The following WDR27 variants were observed in gnomAD, a reference collection of about 807,000 sequenced individuals.
WDR27 encodes WD repeat domain 27, also known as WD repeat-containing protein 27.
In WDR27, 100 loss-of-function variants were observed where a neutral mutation model predicts 114.4. The observed-to-expected ratio is 0.87, with a 90% confidence interval of 0.74 to 1.03. The LOEUF (loss-of-function observed/expected upper bound fraction) is 1.03. Ranked by LOEUF, WDR27 falls within the 50% of genes least tolerant of loss-of-function variation. The pLI, the probability that WDR27 is intolerant of heterozygous loss-of-function variation, is 0.00. For missense variants in WDR27, 1,129 were observed against 1,092.9 expected (o/e 1.03, Z -0.47); for synonymous variants, 449 against 423.1 (o/e 1.06, Z -0.75).
At chr6:169,488,689 A>C (rs1411858163) in intron 25 of WDR27, among the ~76,000 whole-genome samples, 9 of 152,168 alleles carry the variant, frequency 5.9e-5, no homozygotes, top group African/African-American at 2.2e-4. Flanking sequence ...TGTGAAAAAC[A>C]AACTTAAAGG....
At chr6:169,623,428 CCT>C (rs1431092822) in intron 21 of WDR27, among the ~76,000 whole-genome samples, 2 of 152,220 alleles carry the variant, frequency 1.3e-5, no homozygotes, top group East Asian at 1.9e-4. Flanking sequence ...TTGCAATTCC[CCT>C]GTCTTGATCA....
Position 169,638,596 on chromosome 6 carries a change from G to A in WDR27, c.1812C>T (p.Ala604=). Residue 604 remains alanine, a synonymous_variant, in exon 18 of 26, where the codon GCC becomes GCT. Transcript: ENST00000448612. ...SQDRRWLLSA[A]RDGTLRMWSA... Reference sequence around the variant, plus strand: ...ACCACATTCGCAGGGTCCCGTCCCGGGCCGCAGAGAGCAGCCACCTCCGGT... The same window carrying A: ...ACCACATTCGCAGGGTCCCGTCCCGAGCCGCAGAGAGCAGCCACCTCCGGT... 1 of 1,609,520 alleles carries A rather than the reference G, an allele frequency of 6.2e-7. No homozygotes were observed. Among genetic ancestry groups the A allele is most frequent in the Non-Finnish European group, 8.5e-7 (1 of 1,178,238 alleles).
At chr6:169,667,512 C>G (rs1828184563) in intron 5 of WDR27, 1 of 392,420 alleles carries the variant, frequency 2.5e-6, no homozygotes, top group Non-Finnish European at 3.5e-6. Context: ...GAAACTGTAG[C>G]AGTCTACACC....
chr6:169,432,049 AT>A, the WDR27 span, among the ~76,000 whole-genome samples: 19 of 152,158 alleles, frequency 1.2e-4, no homozygotes, highest in African/African-American at 3.9e-4. Flanking sequence ...TTTTTTCAAA[AT>A]TCCTCAGCTA....
At chr6:169,490,230 C>T (rs1789566310) in intron 25 of WDR27, among the ~76,000 whole-genome samples, 1 of 152,254 alleles carries the variant, frequency 6.6e-6, no homozygotes, top group Admixed American at 6.5e-5. Flanking sequence ...ATAGGTTTAA[C>T]CTCTGTGCTG....
chr6:169,486,359 T>C (rs76260859), intron 25 of WDR27, among the ~76,000 whole-genome samples: 2,671 of 152,272 alleles, frequency 0.018, 81 homozygotes, highest in African/African-American at 0.061. Context: ...TGTACTATCA[T>C]GTGGGTCCCA....
chr6:169,638,322 C>CAAAAAAAAAAAAAAAA (rs60501000), intron 18 of WDR27, among the ~76,000 whole-genome samples: 1 of 11,062 alleles, frequency 9.0e-5, no homozygotes, highest in African/African-American at 2.1e-4. Context: ...GACTCCGTCT[C>CAAAAAAAAAAAAAAAA]AAAAAAAAAA....
At chr6:169,478,150 A>G in intron 25 of WDR27, among the ~76,000 whole-genome samples, 1 of 151,494 alleles carries the variant, frequency 6.6e-6, no homozygotes, top group East Asian at 1.9e-4. Context: ...GGGCCAAGAG[A>G]TCTCTCTGGG....
intron 25 of WDR27, among the ~76,000 whole-genome samples, chr6:169,513,333 C>A (rs1793155682): frequency 6.6e-6 from 1 of 152,108 alleles, no homozygotes; most frequent in African/African-American, 2.4e-5. Flanking sequence ...AATTGTACAG[C>A]CTCCTTCCTG....
At chr6:169,697,973 C>A (rs890654348) in intron 1 of WDR27, among the ~76,000 whole-genome samples, 2 of 152,158 alleles carry the variant, frequency 1.3e-5, no homozygotes, top group Non-Finnish European at 2.9e-5. Context: ...CGGGCTGGTC[C>A]CTACAGGCAG....
chr6:169,553,010 GTGTGTGTGTGTGTGTGTA>G (rs1484194027), intron 25 of WDR27, among the ~76,000 whole-genome samples: 129 of 120,758 alleles, frequency 1.1e-3, no homozygotes, highest in Non-Finnish European at 1.4e-3. Flanking sequence ...GTGTGTGTGT[GTGTGTGTGTGTGTGTGTA>G]TGCAGGGAGG....
chr6:169,465,359 A>C (rs1202680278), intron 25 of WDR27, among the ~76,000 whole-genome samples: 1 of 152,060 alleles, frequency 6.6e-6, no homozygotes, highest in African/African-American at 2.4e-5. Flanking sequence ...GCCATCTCAC[A>C]CTCATTAGGA....
chr6:169,640,482 G>A (rs1818880797), intron 17 of WDR27, among the ~76,000 whole-genome samples: 1 of 152,356 alleles, frequency 6.6e-6, no homozygotes, highest in Middle Eastern at 3.4e-3. Flanking sequence ...AAAGTACAGA[G>A]GCTGGTTAAG....
At chr6:169,664,487 T>G in intron 7 of WDR27, 1 of 1,423,816 alleles carries the variant, frequency 7.0e-7, no homozygotes, top group East Asian at 2.6e-5. Flanking sequence ...GTCAGAGCAC[T>G]TTCACACGGC....
At chr6:169,679,753 C>T (rs1490548330) in intron 2 of WDR27, among the ~76,000 whole-genome samples, 1 of 152,140 alleles carries the variant, frequency 6.6e-6, no homozygotes, top group Non-Finnish European at 1.5e-5. Flanking sequence ...GAACCATGAG[C>T]CAATTAAATC....
intron 21 of WDR27, among the ~76,000 whole-genome samples, chr6:169,613,951 T>G (rs1422057158): frequency 6.6e-6 from 1 of 152,194 alleles, no homozygotes; most frequent in African/African-American, 2.4e-5. Context: ...CCAAAATTCA[T>G]GTTTACAGTA....
intron 25 of WDR27, among the ~76,000 whole-genome samples, chr6:169,488,525 C>T (rs1222040953): frequency 1.3e-5 from 2 of 152,220 alleles, no homozygotes; most frequent in African/African-American, 4.8e-5. Flanking sequence ...CTGGCTACAG[C>T]CAACTCCAGT....
intron 25 of WDR27, among the ~76,000 whole-genome samples, chr6:169,482,804 A>G (rs1054369533): frequency 6.6e-6 from 1 of 152,188 alleles, no homozygotes; most frequent in Non-Finnish European, 1.5e-5. Context: ...ATTCTCAACA[A>G]ATGCAAAATA....
rs1828359352 is a variant in WDR27 at position 169,668,008 on chromosome 6, A to C, written c.634T>G (p.Ser212Ala). Residue 212 changes from serine (S) to alanine (A), a missense_variant, in exon 5 of 26, where the codon TCG becomes GCG. Transcript: ENST00000448612. The part of the protein sequence containing the change: ...FCPWRAGTLI[S>A]ASEDRGFKVW... ...TTAAAGCCTCTGTCCTCAGACGCCG[A>C]GATGAGGGTGCCTGCTCGCCAGGGA... is the stretch of plus-strand genomic sequence containing the variant. 1 of 1,613,868 alleles carries C rather than the reference A, an allele frequency of 6.2e-7. No individual in the cohort carries two copies. The highest frequency in any genetic ancestry group is 2.2e-5 in the East Asian group (1 of 44,858).
Sources: gnomAD v4.1 joint callset for allele counts (sites outside exome capture counted in the v4.1 genomes callset) on GRCh38, gnomAD v4.1.1 for gene constraint, MANE v1.5 for transcripts, NCBI Gene and HGNC (gene_info 2026-07-23, HGNC 2026-07-21) for gene names.